Variants in NEK10 observed in about 807,000 individuals in gnomAD.
The protein encoded by NEK10 is NIMA related kinase 10.
In NEK10, 122 loss-of-function variants were observed where a neutral mutation model predicts 159.8. The observed-to-expected ratio is 0.76, with a 90% CI of 0.66 to 0.89. The LOEUF (loss-of-function observed/expected upper bound fraction) is 0.89, where lower values mean the gene tolerates loss of function less well. Among genes scored for constraint, NEK10 ranks in the 40% least tolerant of loss-of-function variants. The probability of loss-of-function intolerance (pLI) is 0.00; values close to 1 mark genes in which losing one functional copy is unlikely to be tolerated. For missense variants in NEK10, 1,342 were observed against 1,323.1 expected (o/e 1.01, Z -0.22); for synonymous variants, 466 against 457.1 (o/e 1.02, Z -0.25).
intron 23 of NEK10, among the ~76,000 whole-genome samples, chr3:27,251,303 C>T (rs934491845): frequency 6.6e-6 from 1 of 152,074 alleles, no homozygotes; most frequent in South Asian, 2.1e-4. Context: ...TTTGAAAATC[C>T]CTGCCCAAAT....
chr3:27,111,930 G>A (rs1939609179), intron 35 of NEK10, among the ~76,000 whole-genome samples: 1 of 152,104 alleles, frequency 6.6e-6, no homozygotes, highest in Non-Finnish European at 1.5e-5. Flanking sequence ...ATCAAAAATA[G>A]AGCCTGCTTT....
chr3:27,191,999 T>C, intron 26 of NEK10, 30 bp downstream of exon 26: 1 of 1,595,344 alleles, frequency 6.3e-7, no homozygotes, highest in Non-Finnish European at 8.6e-7. Flanking sequence ...TTAGAGTGCA[T>C]CATGAACCGA....
intron 29 of NEK10, among the ~76,000 whole-genome samples, chr3:27,163,833 T>C (rs1946243867): frequency 6.6e-6 from 1 of 152,184 alleles, no homozygotes; most frequent in Non-Finnish European, 1.5e-5. Context: ...CAAATACAAG[T>C]AAACATGGCT....
chr3:27,354,021 C>T (rs1436981703), intron 1 of NEK10, among the ~76,000 whole-genome samples: 3 of 152,052 alleles, frequency 2.0e-5, no homozygotes, highest in East Asian at 1.9e-4. Flanking sequence ...AAAAATGCCC[C>T]GTAAGTTCTA....
chr3:27,346,074 T>C lies in NEK10; in HGVS notation c.263+12A>G. 6.2e-7 allele frequency: 1 copy of C among 1,613,222 alleles called. No homozygotes were observed. The highest frequency in any genetic ancestry group is 8.5e-7 in the Non-Finnish European group (1 of 1,179,300). Reference sequence around the variant, plus strand: ...AAGTTGCTGAAGACGAAGGAGATGCTGGATTTCTTACCTAAAATTTTCAAG... The same window carrying C: ...AAGTTGCTGAAGACGAAGGAGATGCCGGATTTCTTACCTAAAATTTTCAAG... On this transcript the variant is annotated intron_variant, in intron 4 of 35. Transcript: ENST00000691995.
At chr3:27,178,782 G>C (rs1172355557) in intron 26 of NEK10, among the ~76,000 whole-genome samples, 2 of 152,316 alleles carry the variant, frequency 1.3e-5, no homozygotes, top group East Asian at 1.9e-4. Flanking sequence ...GCTCACTGTA[G>C]TGGTGAGATA....
intron 1 of NEK10, among the ~76,000 whole-genome samples, chr3:27,356,749 A>C (rs2048350084): frequency 6.6e-6 from 1 of 151,604 alleles, no homozygotes; most frequent in South Asian, 2.1e-4. Flanking sequence ...TGACATATTC[A>C]CCCCCACACA....
intron 31 of NEK10, among the ~76,000 whole-genome samples, chr3:27,132,964 C>T (rs1200083501): frequency 6.6e-6 from 1 of 152,142 alleles, no homozygotes; most frequent in African/African-American, 2.4e-5. Context: ...ATAATTATTA[C>T]CCCAACCCTG....
Position 27,291,353 on chromosome 3 carries a change from C to A in NEK10, c.1514G>T (p.Ser505Ile), listed in dbSNP as rs761780657. The stretch of plus-strand genomic sequence containing the variant: ...CAAAGGAGCTTTGTTCTGATTAATG[C>A]TTTCAATATTTTCAGCAATTTGCTT... ...ELKQIAENIESINQNKAPLKY... is the reference protein window; with the variant it reads ...ELKQIAENIEIINQNKAPLKY... Residue 505 changes from serine to isoleucine, a missense_variant, in exon 18 of 36, where the codon AGC becomes ATC. By Grantham distance (142) the Ser-to-Ile change is moderately radical. Transcript: ENST00000691995. 9.3e-6 allele frequency: 15 copies of A among 1,611,896 alleles called. No homozygotes were observed. Among genetic ancestry groups the A allele is most frequent in the Admixed American group, 1.7e-5 (1 of 59,810 alleles).
At chr3:27,146,008 C>T (rs947560100) in intron 30 of NEK10, among the ~76,000 whole-genome samples, 3 of 152,122 alleles carry the variant, frequency 2.0e-5, no homozygotes, top group African/African-American at 7.2e-5. Flanking sequence ...ATCTCCTTCC[C>T]ATAATGAAAT....
intron 26 of NEK10, among the ~76,000 whole-genome samples, chr3:27,181,967 A>G (rs1368382100): frequency 6.6e-6 from 1 of 152,192 alleles, no homozygotes; most frequent in African/African-American, 2.4e-5. Flanking sequence ...TCTAAAATTA[A>G]TAAGGAAATA....
intron 5 of NEK10, among the ~76,000 whole-genome samples, chr3:27,327,211 A>G (rs1273724270): frequency 6.6e-6 from 1 of 152,164 alleles, no homozygotes; most frequent in African/African-American, 2.4e-5. Context: ...CTGAAGAGAA[A>G]GTGACTCTGC....
intron 5 of NEK10, among the ~76,000 whole-genome samples, chr3:27,337,464 T>C (rs1463491269): frequency 2.4e-5 from 1 of 42,244 alleles, no homozygotes; most frequent in African/African-American, 4.1e-5. Context: ...GAAATAAAAT[T>C]CATATGAAAC....
At chr3:27,121,848 A>G (rs917282447) in intron 32 of NEK10, among the ~76,000 whole-genome samples, 1 of 152,122 alleles carries the variant, frequency 6.6e-6, no homozygotes, top group Non-Finnish European at 1.5e-5. Flanking sequence ...GAAATATTCT[A>G]TATATTGATG....
At chr3:27,113,353 C>T (rs1451688038) in intron 35 of NEK10, among the ~76,000 whole-genome samples, 1 of 147,686 alleles carries the variant, frequency 6.8e-6, no homozygotes. Context: ...ATCGCTTGAA[C>T]CCAGGAGGTG....
chr3:27,252,918 A>G, intron 23 of NEK10: 1 of 512,606 alleles, frequency 2.0e-6, no homozygotes. Context: ...GAGCAGCTGG[A>G]AGTCACTTAA....
chr3:27,202,463 AG>A lies in NEK10; in HGVS notation c.2184del (p.Phe729SerfsTer13). On this transcript the variant is annotated frameshift_variant, in exon 24 of 36. Coordinates refer to ENST00000691995, the MANE Select transcript of NEK10 (RefSeq NM_001394966.1). LOFTEE classifies it high-confidence loss of function. ...AAGGACAGCATGTTAGTGCTGTAGAAGGGGGGACTCAAAGTCGCCATCTGAT... is the reference window on the plus strand; with the variant it reads ...AAGGACAGCATGTTAGTGCTGTAGAAGGGGGACTCAAAGTCGCCATCTGAT... ...ILYQMATLSPPFYSTNMLSLA... is the reference protein window; with the variant it reads ...ILYQMATLSPXFYSTNMLSLA... The A allele has an allele frequency of 6.2e-7, 1 of 1,613,832 alleles. No homozygotes were observed. The highest frequency in any genetic ancestry group is 8.5e-7 in the Non-Finnish European group (1 of 1,179,840).
At chr3:27,297,270 T>A in intron 13 of NEK10, 30 bp from the exon 14 acceptor site, 2 of 1,489,850 alleles carry the variant, frequency 1.3e-6, no homozygotes, top group South Asian at 2.3e-5. Flanking sequence ...ATGCATAGTG[T>A]GCATCATTAC....
At chr3:27,205,903 C>T (rs1165543359) in intron 23 of NEK10, among the ~76,000 whole-genome samples, 1 of 150,178 alleles carries the variant, frequency 6.7e-6, no homozygotes. Context: ...AAAGAAACTA[C>T]CATCAGAGTG....
Sources: gnomAD v4.1 joint callset for allele counts (sites outside exome capture counted in the v4.1 genomes callset) on GRCh38, gnomAD v4.1.1 for gene constraint, MANE v1.5 for transcripts, NCBI Gene and HGNC (gene_info 2026-07-23, HGNC 2026-07-21) for gene names.